KRT18: variants seen among roughly 807,000 people sequenced by gnomAD.
The protein encoded by KRT18 is keratin 18, also known as keratin, type I cytoskeletal 18.
A neutral mutation model predicts 39.9 loss-of-function variants in KRT18; 8 were observed. The ratio of observed to expected loss-of-function variants is 0.20; its 90% CI spans 0.12 to 0.36. KRT18 has a LOEUF of 0.36. Ranked by LOEUF, KRT18 falls within the 10% of genes least tolerant of loss-of-function variation. The pLI, the probability that KRT18 is intolerant of heterozygous loss-of-function variation, is 1.00. For missense variants in KRT18, 396 were observed against 565.7 expected (o/e 0.70, Z 3.04); for synonymous variants, 194 against 227.8 (o/e 0.85, Z 1.33).
At chr12:52,950,100 C>G (rs560088225) in intron 1 of KRT18, 18 of 651,078 alleles carry the variant, frequency 2.8e-5, no homozygotes, top group Middle Eastern at 4.3e-4. Context: ...AGCCAGCTAG[C>G]CAGCCTGCTG....
At chr12:52,949,061 C>T (rs1942406758), upstream of KRT18, 4 of 1,047,056 alleles carry the variant, frequency 3.8e-6, no homozygotes, top group East Asian at 9.8e-5. Flanking sequence ...GAAGCGGCTC[C>T]GGGGCGGGGG....
At chr12:52,950,254 C>A in intron 1 of KRT18, 74 bp from the exon 2 acceptor site, 1 of 1,071,740 alleles carries the variant, frequency 9.3e-7, no homozygotes, top group Non-Finnish European at 1.5e-6. Context: ...GGATACATAA[C>A]ACTTTTTACA....
In KRT18 at chr12:52,950,774, C is replaced by T. The variant is rs369743947; in HGVS notation, c.525C>T (p.Arg175=). The T allele has an allele frequency of 7.4e-6, 12 of 1,610,976 alleles. No homozygotes were observed. The East Asian group carries it at 1.6e-4, about 21-fold the overall frequency. ...RVKYETELAM[R]QSVENDIHGL... ...GGTATGAGACAGAGCTGGCCATGCG[C>T]CAGTCTGTGGAGAACGACATCCATG... is the stretch of plus-strand genomic sequence containing the variant. The change falls in exon 3 of 7, where the codon CGC becomes CGT. Residue 175 remains arginine (R), a synonymous_variant. Coordinates refer to ENST00000388835, the MANE Select transcript of KRT18 (RefSeq NM_000224.3).
At chr12:52,949,703 G>A in intron 1 of KRT18, 113 bp downstream of exon 1, 1 of 997,182 alleles carries the variant, frequency 1.0e-6, no homozygotes, top group Middle Eastern at 2.0e-4. Flanking sequence ...ACCGGGAGGG[G>A]GTTGGGCATA....
In KRT18 at chr12:52,951,054, TGAA is replaced by T. The variant is rs1942478234; in HGVS notation, c.657+151_657+153del. On this transcript the variant is annotated intron_variant, in intron 3 of 6. Transcript: ENST00000388835. ...CTCTTCTTAAATAAGACCGTTCTGA[TGAA>T]GAGCATTCTCAGGGGGTCGAGTACA... 3 of 731,474 alleles carry T rather than the reference TGAA, an allele frequency of 4.1e-6. No individual in the cohort carries two copies. In the Admixed American group the frequency reaches 8.3e-5, roughly 20 times the overall value. The allele number at this position is 731,474 out of a possible 1,614,324, so 45.3% of individuals were successfully genotyped here. A position where few individuals can be genotyped will look rare whatever the true frequency, so the allele number is the denominator to read the frequency against.
chr12:52,949,059 TC>T, upstream of KRT18: 9 of 1,025,860 alleles, frequency 8.8e-6, no homozygotes, highest in Non-Finnish European at 1.2e-5. Context: ...CCGAAGCGGC[TC>T]CGGGGCGGGG....
intron 1 of KRT18, 197 bp from the exon 2 acceptor site, chr12:52,950,131 A>G: frequency 1.4e-6 from 1 of 696,822 alleles, no homozygotes; most frequent in Non-Finnish European, 2.6e-6. Context: ...AGAGGGGCAG[A>G]GTGCTGGGAT....
At chr12:52,952,578 CTTGAG>C in intron 6 of KRT18, 139 bp from the exon 7 acceptor site, 1 of 996,600 alleles carries the variant, frequency 1.0e-6, no homozygotes, top group Non-Finnish European at 1.6e-6. Context: ...GAAGTTTGGC[CTTGAG>C]TTTCCCTTTT....
At chr12:52,952,698 C>G (rs1451769082) in intron 6 of KRT18, 24 bp from the exon 7 acceptor site, 1 of 1,612,010 alleles carries the variant, frequency 6.2e-7, no homozygotes, top group Non-Finnish European at 8.5e-7. Flanking sequence ...CTGTTTATAA[C>G]TTGGGCTTGG....
chr12:52,949,042 C>G, upstream of KRT18: 1 of 863,516 alleles, frequency 1.2e-6, no homozygotes, highest in South Asian at 1.5e-5. Flanking sequence ...ACCTGTGGCT[C>G]CGGCTTCCGA....
chr12:52,950,066 G>A (rs1461651164), intron 1 of KRT18: 1 of 619,176 alleles, frequency 1.6e-6, no homozygotes. Flanking sequence ...TGTTAGTAGC[G>A]ACTCACTTCT....
rs1433399550 is a variant in KRT18, at chr12:52,952,109, G to A, written c.949-10G>A. 7 of 1,549,216 alleles carry A rather than the reference G, an allele frequency of 4.5e-6. No individual in the cohort carries two copies. The South Asian group carries it at 7.1e-5, about 16-fold the overall frequency. ...GGCTCACCCTGCCCCTCCTCTCTGTGCCCCTGCAGAAGGCCAGCTTGGAGA... is the reference window on the plus strand; with the variant it reads ...GGCTCACCCTGCCCCTCCTCTCTGTACCCCTGCAGAAGGCCAGCTTGGAGA... On this transcript the variant is annotated splice_polypyrimidine_tract_variant and intron_variant, in intron 5 of 6. Transcript: ENST00000388835.
chr12:52,949,675 C>T, intron 1 of KRT18, 85 bp downstream of exon 1: 1 of 1,206,956 alleles, frequency 8.3e-7, no homozygotes, highest in Non-Finnish European at 1.2e-6. Flanking sequence ...CATTCCATAA[C>T]CACCCAACCC....
chr12:52,951,034 C>T (rs1942477238), intron 3 of KRT18, 128 bp downstream of exon 3: 1 of 882,422 alleles, frequency 1.1e-6, no homozygotes, highest in Non-Finnish European at 1.7e-6. Flanking sequence ...CTGGGCTCTT[C>T]TTAAATAAGA....
chr12:52,948,970 G>C (rs1243124759), upstream of KRT18: 3 of 469,886 alleles, frequency 6.4e-6, no homozygotes, highest in Non-Finnish European at 1.1e-5. Flanking sequence ...TGCGCGGAGG[G>C]CGCGGGGGTG....
chr12:52,952,034 T>A (rs1942499233), intron 5 of KRT18, 85 bp from the exon 6 acceptor site: 4 of 1,327,132 alleles, frequency 3.0e-6, no homozygotes, highest in Non-Finnish European at 4.3e-6. Context: ...ACATAGCAGG[T>A]GCCCAAAAAA....
At chr12:52,948,970 G>A, upstream of KRT18, 1 of 469,992 alleles carries the variant, frequency 2.1e-6, no homozygotes, top group Non-Finnish European at 3.7e-6. Context: ...TGCGCGGAGG[G>A]CGCGGGGGTG....
rs554754530 is a variant in KRT18, at chr12:52,950,563, T to C, written c.500+153T>C. Reference sequence around the variant, plus strand: ...ATCAGTGTATTCATTTAACTGTTCATTTGTATAACCCCGTTTAAGAATACT... The same window carrying C: ...ATCAGTGTATTCATTTAACTGTTCACTTGTATAACCCCGTTTAAGAATACT... On this transcript the variant is annotated intron_variant, in intron 2 of 6. Transcript: ENST00000388835. 53 of 825,360 alleles carry C rather than the reference T, an allele frequency of 6.4e-5. No individual in the cohort carries two copies. In the East Asian group the frequency reaches 1.2e-3, roughly 19 times the overall value. The allele number at this position is 825,360 out of a possible 1,614,324, so 51.1% of individuals were successfully genotyped here.
In KRT18 at chr12:52,949,164, C is replaced by T. The variant is rs935714772; in HGVS notation, c.-10C>T. 3.1e-6 allele frequency: 5 copies of T among 1,610,788 alleles called. No individual in the cohort carries two copies. In the East Asian group the frequency reaches 1.1e-4, roughly 36 times the overall value. ...GCCTGAGTCCTGTCCTTTCTCTCTC[C>T]CCGGACAGCATGAGCTTCACCACTC... On this transcript the variant is annotated 5_prime_UTR_variant, in exon 1 of 7. Transcript: ENST00000388835.
Sources: allele counts gnomAD v4.1 joint callset, GRCh38; gene constraint gnomAD v4.1.1; transcripts MANE v1.5; gene names NCBI Gene and HGNC (gene_info 2026-07-23, HGNC 2026-07-21).